The following CRLF3 variants were observed in gnomAD, a reference collection of about 807,000 sequenced individuals.
CRLF3 encodes cytokine receptor like factor 3.
CRLF3 carries 33 observed loss-of-function variants against 55.0 expected under a neutral mutation model. The observed-to-expected ratio is 0.60, with a 90% CI of 0.46 to 0.80. The LOEUF (loss-of-function observed/expected upper bound fraction) is 0.80, where lower values mean the gene tolerates loss of function less well. Among genes scored for constraint, CRLF3 ranks in the 30% least tolerant of loss-of-function variants. The pLI is 0.00. For synonymous variants in CRLF3, 238 were observed against 196.8 expected (o/e 1.21, Z -1.75); for missense variants, 494 against 538.4 (o/e 0.92, Z 0.82).
chr17:30,796,209 ATC>A lies in CRLF3; in HGVS notation c.552_553del (p.Gln184HisfsTer17). On this transcript the variant is annotated frameshift_variant, in exon 4 of 8. Transcript: ENST00000324238. LOFTEE classifies it high-confidence loss of function. ...TCCAGGTTTCTCTATTAGTTCTTCT[ATC>A]TGTACTGGTGGGCGAGATGCTACTG... The A allele has an allele frequency of 6.2e-7, 1 of 1,613,908 alleles. No individual in the cohort carries two copies. Among genetic ancestry groups the A allele is most frequent in the Non-Finnish European group, 8.5e-7 (1 of 1,179,840 alleles).
At chr17:30,811,488 A>C (rs898870517) in intron 1 of CRLF3, among the ~76,000 whole-genome samples, 1 of 151,610 alleles carries the variant, frequency 6.6e-6, no homozygotes, top group Middle Eastern at 3.4e-3. Context: ...CCACAAAAAA[A>C]AACAGAAAAA....
chr17:30,787,960 A>G (rs1262168767), intron 6 of CRLF3, among the ~76,000 whole-genome samples: 1 of 150,314 alleles, frequency 6.7e-6, no homozygotes, highest in Non-Finnish European at 1.5e-5. Context: ...AGATCATGCC[A>G]CTGCACTTCA....
rs567293132 is a variant in CRLF3, at chr17:30,797,127, G to A, written c.425+184C>T. On this transcript the variant is annotated intron_variant, in intron 3 of 7. Coordinates refer to ENST00000324238, the MANE Select transcript of CRLF3 (RefSeq NM_015986.4). ...GCTGGTCTCAAACTCCTGGCCTCAA[G>A]CAATCCACCCGCCTTGGCCTCCCAA... 2.0e-5 allele frequency among the ~76,000 whole-genome samples: 3 copies of A among 152,220 alleles called. No individual in the cohort carries two copies. In the East Asian group the frequency reaches 5.8e-4, roughly 29 times the overall value.
chr17:30,789,100 G>A (rs910364330), intron 6 of CRLF3, among the ~76,000 whole-genome samples: 3 of 152,060 alleles, frequency 2.0e-5, no homozygotes, highest in African/African-American at 4.8e-5. Context: ...AACAAGGGGA[G>A]AAAACATTTC....
chr17:30,816,521 G>C (rs1904811619), intron 1 of CRLF3, among the ~76,000 whole-genome samples: 1 of 126,326 alleles, frequency 7.9e-6, no homozygotes, highest in Non-Finnish European at 1.6e-5. Flanking sequence ...ACAGGGTCTA[G>C]TTCTGTTGTC....
At chr17:30,791,127 G>A (rs73269988) in intron 6 of CRLF3, among the ~76,000 whole-genome samples, 19,287 of 151,938 alleles carry the variant, frequency 0.13, 1,286 homozygotes, top group South Asian at 0.25. Flanking sequence ...CTGTTGCCAG[G>A]CTGAAGTGCA....
At chr17:30,792,658 G>A (rs1597917956) in intron 5 of CRLF3, 86 bp from the exon 6 acceptor site, 1 of 1,247,496 alleles carries the variant, frequency 8.0e-7, no homozygotes, top group South Asian at 1.5e-5. Context: ...ACATGGAAAT[G>A]GGAGACTACT....
At position 30,786,049 on chromosome 17, in the gene CRLF3, AG is replaced by A. The variant is rs1245911802; in HGVS notation, c.960-19del. ...TTTCAACTCTGTAAATGAAGTAGAA[AG>A]GTCATTTCATACTTTTAAAAATATA... On this transcript the variant is annotated intron_variant, in intron 6 of 7. Transcript: ENST00000324238. The A allele has an allele frequency of 3.0e-6, 4 of 1,342,132 alleles. No individual in the cohort carries two copies. The highest frequency in any genetic ancestry group is 1.4e-5 in the African/African-American group (1 of 69,238). 83.1% of individuals were successfully genotyped at this position (1,342,132 alleles called of 1,614,324 possible). A position where few individuals can be genotyped will look rare whatever the true frequency, so the allele number is the denominator to read the frequency against.
At position 30,783,923 on chromosome 17, in the gene CRLF3, C is replaced by T. The variant is rs1034276868; in HGVS notation, c.*264G>A. Reference sequence around the variant, plus strand: ...TGGAAGGGTATAGAACTTCCTATATCTTCTATACTTTTAATGCCAATTTGA... The same window carrying T: ...TGGAAGGGTATAGAACTTCCTATATTTTCTATACTTTTAATGCCAATTTGA... On this transcript the variant is annotated 3_prime_UTR_variant, in exon 8 of 8. Coordinates refer to ENST00000324238, the MANE Select transcript of CRLF3 (RefSeq NM_015986.4). 2.6e-6 allele frequency: 1 copy of T among 382,452 alleles called. No individual in the cohort carries two copies. The highest frequency in any genetic ancestry group is 2.1e-5 in the African/African-American group (1 of 48,224). 23.7% of individuals were successfully genotyped at this position (382,452 alleles called of 1,614,324 possible). A position where few individuals can be genotyped will look rare whatever the true frequency, so the allele number is the denominator to read the frequency against.
intron 5 of CRLF3, 112 bp from the exon 6 acceptor site, chr17:30,792,684 C>G: frequency 3.3e-6 from 3 of 903,276 alleles, no homozygotes; most frequent in Non-Finnish European, 3.4e-6. Context: ...GGGCCATGGT[C>G]AAGTTCAATA....
At chr17:30,807,606 C>T (rs1904454596) in intron 1 of CRLF3, among the ~76,000 whole-genome samples, 2 of 136,510 alleles carry the variant, frequency 1.5e-5, no homozygotes, top group South Asian at 4.8e-4. Flanking sequence ...AATCTCGGCT[C>T]ACTGCAACCT....
intron 2 of CRLF3, among the ~76,000 whole-genome samples, chr17:30,798,989 A>G (rs574441129): frequency 6.6e-6 from 1 of 152,176 alleles, no homozygotes; most frequent in Non-Finnish European, 1.5e-5. Flanking sequence ...ATTAAAAAAC[A>G]TAGGCCAGGC....
chr17:30,824,052 C>G (rs184102792), intron 1 of CRLF3, among the ~76,000 whole-genome samples: 12 of 152,192 alleles, frequency 7.9e-5, no homozygotes, highest in African/African-American at 2.9e-4. Flanking sequence ...CTCACTCTCG[C>G]CCCTTAGTCC....
chr17:30,794,081 G>A (rs1158548983), intron 4 of CRLF3, among the ~76,000 whole-genome samples: 2 of 151,956 alleles, frequency 1.3e-5, no homozygotes, highest in African/African-American at 4.8e-5. Context: ...CAATCTTCTC[G>A]TCTCAGCCTC....
At chr17:30,789,933 G>A (rs779775402) in intron 6 of CRLF3, among the ~76,000 whole-genome samples, 14 of 151,962 alleles carry the variant, frequency 9.2e-5, no homozygotes, top group Non-Finnish European at 1.9e-4. Flanking sequence ...GAAGGGGTAT[G>A]TAAGTACAGA....
chr17:30,804,795 A>T (rs1642396408), intron 1 of CRLF3, among the ~76,000 whole-genome samples: 1 of 152,218 alleles, frequency 6.6e-6, no homozygotes, highest in Admixed American at 6.5e-5. Flanking sequence ...GAATAAGCCA[A>T]ATCTTGGTTT....
At chr17:30,816,903 G>A (rs1904823401) in intron 1 of CRLF3, among the ~76,000 whole-genome samples, 2 of 152,138 alleles carry the variant, frequency 1.3e-5, no homozygotes. Flanking sequence ...ATACCATATA[G>A]CCTAGGTGTG....
At chr17:30,791,184 CCTCA>C (rs1430110785) in intron 6 of CRLF3, among the ~76,000 whole-genome samples, 1 of 151,988 alleles carries the variant, frequency 6.6e-6, no homozygotes, top group Admixed American at 6.6e-5. Flanking sequence ...GATTCTCCTG[CCTCA>C]CTCTCCCTAG....
chr17:30,817,974 C>T (rs1045651178), intron 1 of CRLF3, among the ~76,000 whole-genome samples: 3 of 142,984 alleles, frequency 2.1e-5, no homozygotes, highest in African/African-American at 7.7e-5. Flanking sequence ...AAAACTATTT[C>T]ATCTGGGCTG....
Sources: gnomAD v4.1 joint callset for allele counts (sites outside exome capture counted in the v4.1 genomes callset) on GRCh38, gnomAD v4.1.1 for gene constraint, MANE v1.5 for transcripts, NCBI Gene and HGNC (gene_info 2026-07-23, HGNC 2026-07-21) for gene names.